The following ADAMTSL3 variants were observed in gnomAD, a reference collection of about 807,000 sequenced individuals.
ADAMTSL3 encodes ADAMTS-like protein 3.
Under a neutral mutation model 201.7 loss-of-function variants are expected in ADAMTSL3, and 128 were observed. The ratio of observed to expected loss-of-function variants is 0.63; its 90% confidence interval spans 0.55 to 0.73. ADAMTSL3 has a LOEUF of 0.73. Ranked by LOEUF, ADAMTSL3 falls within the 30% of genes least tolerant of loss-of-function variation. The probability of loss-of-function intolerance (pLI) is 0.00; values close to 1 mark genes in which losing one functional copy is unlikely to be tolerated. For missense variants in ADAMTSL3, 1,990 were observed against 2,119.6 expected, an observed-to-expected ratio of 0.94 and a Z score of 1.20; for synonymous variants, 738 against 748.4, an observed-to-expected ratio of 0.99 and a Z score of 0.23.
At chr15:84,006,551 A>G (rs1177615129) in intron 23 of ADAMTSL3, among the ~76,000 whole-genome samples, 1 of 152,290 alleles carries the variant, frequency 6.6e-6, no homozygotes, top group Non-Finnish European at 1.5e-5. Context: ...CATGTTTCAC[A>G]GCCCCTCCGG....
intron 26 of ADAMTSL3, 50 bp from the exon 27 acceptor site, chr15:84,025,188 A>G (rs923846687): frequency 1.0e-5 from 15 of 1,494,792 alleles, no homozygotes; most frequent in Non-Finnish European, 1.2e-5. Flanking sequence ...CGCCCCCTCT[A>G]AGATCTGGCA....
intron 20 of ADAMTSL3, among the ~76,000 whole-genome samples, chr15:83,974,445 A>G (rs891051229): frequency 5.3e-5 from 8 of 152,230 alleles, no homozygotes; most frequent in Non-Finnish European, 1.2e-4. Context: ...AATATTGATT[A>G]TTTTTAAGGT....
chr15:83,824,389 C>A (rs528006682), intron 6 of ADAMTSL3, among the ~76,000 whole-genome samples: 3 of 152,180 alleles, frequency 2.0e-5, no homozygotes, highest in African/African-American at 7.2e-5. Context: ...CATAGGACCC[C>A]CCTGCTTCCT....
intron 2 of ADAMTSL3, among the ~76,000 whole-genome samples, chr15:83,663,308 CTA>C (rs2061201737): frequency 6.6e-6 from 1 of 152,198 alleles, no homozygotes; most frequent in South Asian, 2.1e-4. Context: ...CCCCCAATCT[CTA>C]TGAGTATTTC....
At chr15:83,963,669 C>T (rs1304408197) in intron 19 of ADAMTSL3, among the ~76,000 whole-genome samples, 1 of 152,262 alleles carries the variant, frequency 6.6e-6, no homozygotes, top group Admixed American at 6.5e-5. Context: ...AAGGGATAGA[C>T]TGTCTCCTCA....
chr15:84,003,932 G>A (rs543928165), intron 23 of ADAMTSL3, among the ~76,000 whole-genome samples: 24 of 152,300 alleles, frequency 1.6e-4, no homozygotes, highest in African/African-American at 5.5e-4. Flanking sequence ...GGTGGGGACT[G>A]AGGGAAAGGG....
chr15:83,720,116 G>C lies in ADAMTSL3; in HGVS notation c.189+15608G>C, dbSNP rs147323310. On this transcript the variant is annotated intron_variant, in intron 3 of 29. Transcript: ENST00000286744. ...TGCCTGTAATCCCAGCTACTCAGGA[G>C]GCTTAGGCAGGAGAATCACTTGAGT... Among the ~76,000 whole-genome samples the C allele has an allele frequency of 3.9e-3, 587 of 152,228 alleles. 1 individual carries two copies. Among genetic ancestry groups the C allele is most frequent in the Non-Finnish European group, 5.3e-3 (361 of 68,010 alleles).
intron 19 of ADAMTSL3, among the ~76,000 whole-genome samples, chr15:83,963,028 A>C (rs2067003175): frequency 6.6e-6 from 1 of 152,184 alleles, no homozygotes; most frequent in Non-Finnish European, 1.5e-5. Flanking sequence ...CCCACAAACC[A>C]GGAGATTCCC....
At chr15:83,816,439 T>C in intron 5 of ADAMTSL3, among the ~76,000 whole-genome samples, 1 of 152,194 alleles carries the variant, frequency 6.6e-6, no homozygotes. Flanking sequence ...GCTAATTAAC[T>C]CTTGTTAATT....
intron 19 of ADAMTSL3, among the ~76,000 whole-genome samples, chr15:83,943,673 G>A (rs930566612): frequency 1.3e-5 from 2 of 152,220 alleles, no homozygotes; most frequent in African/African-American, 4.8e-5. Context: ...AAGCTCCACA[G>A]CTGGAAAAGT....
At chr15:83,822,022 G>A (rs1298778024) in intron 6 of ADAMTSL3, among the ~76,000 whole-genome samples, 8 of 141,748 alleles carry the variant, frequency 5.6e-5, no homozygotes, top group Non-Finnish European at 7.8e-5. Context: ...CCTCCCTCCC[G>A]GACGGGGTGG....
intron 19 of ADAMTSL3, 118 bp downstream of exon 19, chr15:83,943,200 G>T (rs2066596367): frequency 3.3e-6 from 4 of 1,214,264 alleles, no homozygotes; most frequent in Admixed American, 2.9e-5. Context: ...GGTCCTAGGG[G>T]GCCACATTTA....
At chr15:83,675,586 C>CTTTTTTT (rs77339448) in intron 2 of ADAMTSL3, among the ~76,000 whole-genome samples, 2 of 126,052 alleles carry the variant, frequency 1.6e-5, no homozygotes, top group Non-Finnish European at 3.4e-5. Context: ...GTGCTGTTTT[C>CTTTTTTT]TTTTTTTTTT....
At chr15:83,907,496 G>A (rs1324046904) in intron 15 of ADAMTSL3, among the ~76,000 whole-genome samples, 4 of 152,082 alleles carry the variant, frequency 2.6e-5, no homozygotes, top group Non-Finnish European at 5.9e-5. Context: ...ACCACCTCCC[G>A]GCTTCAAGCA....
chr15:83,934,326 G>A (rs553142540), intron 17 of ADAMTSL3, among the ~76,000 whole-genome samples: 3 of 152,172 alleles, frequency 2.0e-5, no homozygotes, highest in African/African-American at 4.8e-5. Context: ...CTAAATTTTC[G>A]ACTTGCATGG....
intron 3 of ADAMTSL3, among the ~76,000 whole-genome samples, chr15:83,740,926 A>G (rs1335671948): frequency 6.6e-6 from 1 of 152,184 alleles, no homozygotes; most frequent in Non-Finnish European, 1.5e-5. Context: ...CAATATATGT[A>G]GAAAAAATTG....
intron 10 of ADAMTSL3, among the ~76,000 whole-genome samples, chr15:83,886,645 CCTT>C (rs1282695740): frequency 1.3e-5 from 2 of 152,182 alleles, no homozygotes; most frequent in Non-Finnish European, 2.9e-5. Context: ...TAGAATAAAT[CCTT>C]CTCCAGCCCA....
intron 3 of ADAMTSL3, among the ~76,000 whole-genome samples, chr15:83,746,562 C>T (rs944816460): frequency 6.6e-6 from 1 of 152,082 alleles, no homozygotes; most frequent in East Asian, 1.9e-4. Context: ...ACATCAACTG[C>T]GGTCTATTGC....
chr15:83,714,889 CCT>C (rs1567093452), intron 3 of ADAMTSL3, among the ~76,000 whole-genome samples: 313 of 29,082 alleles, frequency 0.011, 2 homozygotes, highest in Non-Finnish European at 0.013. Context: ...TTCCTTCCTT[CCT>C]TCCTTCCTTC....
Sources: gnomAD v4.1 joint callset for allele counts (sites outside exome capture counted in the v4.1 genomes callset) on GRCh38, gnomAD v4.1.1 for gene constraint, MANE v1.5 for transcripts, NCBI Gene and HGNC (gene_info 2026-07-23, HGNC 2026-07-21) for gene names.